The following LIPC variants were observed in gnomAD, a reference collection of about 807,000 sequenced individuals.
LIPC encodes hepatic triacylglycerol lipase.
A neutral mutation model predicts 50.7 loss-of-function variants in LIPC; 44 were observed. The ratio of observed to expected loss-of-function variants is 0.87; its 90% CI spans 0.68 to 1.11. LIPC has a LOEUF of 1.11. Ranked by LOEUF, LIPC falls within the 50% of genes most tolerant of loss-of-function variation. The pLI is 0.00. For synonymous variants in LIPC, 271 were observed against 256.4 expected, an observed-to-expected ratio of 1.06 and a Z score of -0.54; for missense variants, 697 against 648.2, an observed-to-expected ratio of 1.08 and a Z score of -0.82.
At position 58,459,355 on chromosome 15, in the gene LIPC, T is replaced by C. The variant is rs138713188; in HGVS notation, c.88+27235T>C. 2.7e-3 allele frequency among the ~76,000 whole-genome samples: 415 copies of C among 152,204 alleles called. 1 individual carries two copies. The highest frequency in any genetic ancestry group is 9.3e-3 in the African/African-American group (388 of 41,552). On this transcript the variant is annotated intron_variant, in intron 1 of 8. Coordinates refer to ENST00000299022, the MANE Select transcript of LIPC (RefSeq NM_000236.3). ...CTGGTGACATTGTAGTTCTGTCCTT[T>C]GCTAAGCTTGAGTGAAAATCTTTTG... is the stretch of plus-strand genomic sequence containing the variant.
At chr15:58,467,891 C>T (rs958397459) in intron 1 of LIPC, among the ~76,000 whole-genome samples, 24 of 152,176 alleles carry the variant, frequency 1.6e-4, no homozygotes, top group African/African-American at 5.8e-4. Flanking sequence ...AGGGACTGCA[C>T]AGCGGTTGAG....
chr15:58,549,382 T>C (rs1312753055), intron 6 of LIPC, among the ~76,000 whole-genome samples: 1 of 152,200 alleles, frequency 6.6e-6, no homozygotes, highest in African/African-American at 2.4e-5. Flanking sequence ...CAGGCAGATA[T>C]TTGTATCTGG....
chr15:58,512,879 G>T (rs772352519), intron 1 of LIPC, among the ~76,000 whole-genome samples: 3 of 151,360 alleles, frequency 2.0e-5, no homozygotes, highest in Non-Finnish European at 2.9e-5. Flanking sequence ...AACGAGGGTC[G>T]TTCCACACAC....
At chr15:58,551,981 C>T (rs1373749611) in intron 6 of LIPC, among the ~76,000 whole-genome samples, 1 of 152,204 alleles carries the variant, frequency 6.6e-6, no homozygotes, top group African/African-American at 2.4e-5. Context: ...GGGAAACAGT[C>T]GCCGAGTGAA....
At chr15:58,450,406 G>A (rs565605779) in intron 1 of LIPC, among the ~76,000 whole-genome samples, 35 of 152,154 alleles carry the variant, frequency 2.3e-4, no homozygotes, top group African/African-American at 8.4e-4. Flanking sequence ...CCCACCTGAA[G>A]AACTGCCTCA....
chr15:58,545,851 G>A lies in LIPC; in HGVS notation c.684G>A (p.Met228Ile), dbSNP rs1893508195. The change falls in exon 5 of 9, where the codon ATG (methionine) becomes ATA (isoleucine). Residue 228 changes from methionine (M) to isoleucine (I), a missense_variant. Transcript: ENST00000299022. Reference protein sequence around the residue: ...DAIHTFTREHMGLSVGIKQPI... With the variant: ...DAIHTFTREHIGLSVGIKQPI... ...TTCATACCTTTACCCGGGAGCACAT[G>A]GGCCTGAGCGTGGGCATCAAACAGC... 2 of 1,614,078 alleles carry A rather than the reference G, an allele frequency of 1.2e-6. No individual in the cohort carries two copies. Among genetic ancestry groups the A allele is most frequent in the South Asian group, 2.2e-5 (2 of 91,086 alleles).
chr15:58,505,604 T>C (rs1201452686), intron 1 of LIPC, among the ~76,000 whole-genome samples: 1 of 152,152 alleles, frequency 6.6e-6, no homozygotes, highest in East Asian at 1.9e-4. Context: ...CCTCTCTTTA[T>C]TGTACCAAGA....
At chr15:58,530,990 A>T (rs1260160562) in intron 1 of LIPC, among the ~76,000 whole-genome samples, 1 of 152,216 alleles carries the variant, frequency 6.6e-6, no homozygotes, top group Non-Finnish European at 1.5e-5. Flanking sequence ...TTATGTGGAC[A>T]TATGTTTCCA....
chr15:58,481,466 A>G (rs1171782355), intron 1 of LIPC, among the ~76,000 whole-genome samples: 1 of 152,194 alleles, frequency 6.6e-6, no homozygotes, highest in African/African-American at 2.4e-5. Context: ...CTGGATAAAT[A>G]AATCAGGATA....
At chr15:58,546,688 A>G (rs1893540314) in intron 5 of LIPC, among the ~76,000 whole-genome samples, 1 of 152,208 alleles carries the variant, frequency 6.6e-6, no homozygotes, top group African/African-American at 2.4e-5. Flanking sequence ...ATTATAAAAT[A>G]TCACCCTGAT....
chr15:58,566,406 T>G (rs1894366794), intron 8 of LIPC: 32 of 985,072 alleles, frequency 3.2e-5, no homozygotes, highest in Non-Finnish European at 3.9e-5. Context: ...AAACAATAAC[T>G]TCACTCTTCA....
chr15:58,459,783 C>A (rs538297561), intron 1 of LIPC, among the ~76,000 whole-genome samples: 2 of 152,208 alleles, frequency 1.3e-5, no homozygotes, highest in African/African-American at 4.8e-5. Flanking sequence ...AACAGATGCC[C>A]GCTCCCTTAC....
intron 1 of LIPC, among the ~76,000 whole-genome samples, chr15:58,499,074 A>C (rs935199182): frequency 3.3e-5 from 5 of 152,200 alleles, no homozygotes; most frequent in Non-Finnish European, 7.3e-5. Flanking sequence ...AAGAGAGGCC[A>C]GGCTGGGGTG....
At chr15:58,471,332 G>GGGGGT (rs1555399307) in intron 1 of LIPC, among the ~76,000 whole-genome samples, 1 of 138,738 alleles carries the variant, frequency 7.2e-6, no homozygotes, top group African/African-American at 2.8e-5. Context: ...TAGAGATGGG[G>GGGGGT]GGGGGTGGTC....
intron 1 of LIPC, among the ~76,000 whole-genome samples, chr15:58,512,368 T>C (rs749384464): frequency 2.6e-5 from 4 of 152,168 alleles, no homozygotes; most frequent in African/African-American, 7.2e-5. Flanking sequence ...CAAAGTGTTG[T>C]TGGGATTACA....
chr15:58,478,707 C>T (rs1357916800), intron 1 of LIPC, among the ~76,000 whole-genome samples: 1 of 152,152 alleles, frequency 6.6e-6, no homozygotes, highest in Non-Finnish European at 1.5e-5. Context: ...ACCACCTTTC[C>T]CAAGAGCACC....
At chr15:58,438,668 C>A (rs914459490) in intron 1 of LIPC, among the ~76,000 whole-genome samples, 2 of 152,140 alleles carry the variant, frequency 1.3e-5, no homozygotes, top group African/African-American at 4.8e-5. Context: ...GTCACTCCAG[C>A]CCTGGAGGAG....
chr15:58,555,838 C>T (rs758219524), intron 6 of LIPC, among the ~76,000 whole-genome samples: 2 of 152,186 alleles, frequency 1.3e-5, no homozygotes, highest in Non-Finnish European at 2.9e-5. Context: ...GCAGTGGCTG[C>T]ACAGTCAGGC....
At chr15:58,477,181 G>A (rs1891028843) in intron 1 of LIPC, among the ~76,000 whole-genome samples, 1 of 152,238 alleles carries the variant, frequency 6.6e-6, no homozygotes, top group Non-Finnish European at 1.5e-5. Flanking sequence ...TTCTTCCAGG[G>A]AGGAAAGCAG....
Sources: gnomAD v4.1 joint callset for allele counts (sites outside exome capture counted in the v4.1 genomes callset) on GRCh38, gnomAD v4.1.1 for gene constraint, MANE v1.5 for transcripts, NCBI Gene and HGNC (gene_info 2026-07-23, HGNC 2026-07-21) for gene names.